The following SPEM3 variants were observed in gnomAD, a reference collection of about 807,000 sequenced individuals.
The protein encoded by SPEM3 is uncharacterized protein SPEM3.
rs556274961 is a variant in SPEM3, at chr17:7,430,162, C to G, written c.991C>G (p.Pro331Ala). Residue 331 changes from proline (P) to alanine (A), a missense_variant, in exon 3 of 3, where the codon CCA (proline) becomes GCA (alanine). Transcript: ENST00000636696. ...CCCTGAACACACCTCAGCCCACTCC[C>G]CAGCCCAGGCTCCTATGCCTGTCCC... The part of the protein sequence containing the change: ...HSPEHTSAHS[P>A]AQAPMPVPAH... 4.8e-6 allele frequency: 2 copies of G among 418,376 alleles called. No individual in the cohort carries two copies. Among genetic ancestry groups the G allele is most frequent in the Non-Finnish European group, 8.4e-6 (2 of 237,892 alleles). The allele number at this position is 418,376 out of a possible 1,614,324, so 25.9% of individuals were successfully genotyped here. A position where few individuals can be genotyped will look rare whatever the true frequency, so the allele number is the denominator to read the frequency against.
In SPEM3 at chr17:7,430,930, G is replaced by C. The variant is rs150260708; in HGVS notation, c.1759G>C (p.Val587Leu). 1 of 398,578 alleles carries C rather than the reference G, an allele frequency of 2.5e-6. No individual in the cohort carries two copies. The highest frequency in any genetic ancestry group is 3.6e-5 in the East Asian group (1 of 28,076). 24.7% of individuals were successfully genotyped at this position (398,578 alleles called of 1,614,324 possible). A position where few individuals can be genotyped will look rare whatever the true frequency, so the allele number is the denominator to read the frequency against. ...FHSATTAQSSVCTLPPPFTLS... is the reference protein window; with the variant it reads ...FHSATTAQSSLCTLPPPFTLS... ...TTCTGCAACCACTGCCCAGAGCTCA[G>C]TGTGCACCCTTCCTCCACCGTTCAC... is the stretch of plus-strand genomic sequence containing the variant. The change falls in exon 3 of 3, where the codon GTG becomes CTG. Residue 587 changes from valine (V) to leucine (L), a missense_variant. Transcript: ENST00000636696.
Position 7,430,092 on chromosome 17 carries a change from C to T in SPEM3, c.921C>T (p.His307=). The change falls in exon 3 of 3, where the codon CAC becomes CAT. Residue 307 remains histidine, a synonymous_variant. Transcript: ENST00000636696. The part of the protein sequence containing the change: ...KAHTSAQAQT[H]SPPHTPEYTH... Reference sequence around the variant, plus strand: ...ATACGTCAGCCCAGGCCCAAACCCACTCTCCGCCCCACACCCCTGAGTATA... The same window carrying T: ...ATACGTCAGCCCAGGCCCAAACCCATTCTCCGCCCCACACCCCTGAGTATA... 1 of 415,518 alleles carries T rather than the reference C, an allele frequency of 2.4e-6. No homozygotes were observed. Among genetic ancestry groups the T allele is most frequent in the Non-Finnish European group, 4.2e-6 (1 of 235,950 alleles). The allele number at this position is 415,518 out of a possible 1,614,324, so 25.7% of individuals were successfully genotyped here.
Position 7,429,839 on chromosome 17 carries a change from C to T in SPEM3, c.668C>T (p.Thr223Ile). 1 of 401,474 alleles carries T rather than the reference C, an allele frequency of 2.5e-6. No homozygotes were observed. The highest frequency in any genetic ancestry group is 4.4e-6 in the Non-Finnish European group (1 of 227,936). The allele number at this position is 401,474 out of a possible 1,614,324, so 24.9% of individuals were successfully genotyped here. Residue 223 changes from threonine to isoleucine, a missense_variant, in exon 3 of 3, where the codon ACC becomes ATC. Thr to Ile is a moderately conservative substitution (Grantham distance 89). Transcript: ENST00000636696. This position sits in a 1 kb window ranked among gnomAD's most constrained non-coding sequence, Gnocchi z 4.9. ...ACCCACACTCCTGTGTGCACCCCAA[C>T]CCACCCCTGGACCCGCTCCACGGAC... ...SPTHTPVCTPTHPWTRSTDHT... is the reference protein window; with the variant it reads ...SPTHTPVCTPIHPWTRSTDHT...
rs182423720 is a variant in SPEM3, at chr17:7,430,708, C to G, written c.1537C>G (p.Leu513Val). 1.7e-4 allele frequency: 66 copies of G among 398,650 alleles called. 2 individuals carry two copies. The highest frequency in any genetic ancestry group is 1.1e-3 in the African/African-American group (56 of 48,722). The allele number at this position is 398,650 out of a possible 1,614,324, so 24.7% of individuals were successfully genotyped here. Residue 513 changes from leucine (L) to valine (V), a missense_variant, in exon 3 of 3, where the codon CTG becomes GTG. Leu to Val is a conservative substitution (Grantham distance 32). Coordinates refer to ENST00000636696, the MANE Select transcript of SPEM3 (RefSeq NM_001364708.1). The part of the protein sequence containing the change: ...DSAKLPAGSI[L>V]GYLELRNMEW... ...TGCCAAGCTTCCTGCAGGATCCATA[C>G]TGGGCTACCTGGAGTTGAGGAATAT... is the stretch of plus-strand genomic sequence containing the variant.
rs1218267263 is a variant in SPEM3, at chr17:7,432,154, C to T, written c.2983C>T (p.Leu995Phe). The part of the protein sequence containing the change: ...KDPALVQDSG[L>F]PKISGLTQES... ...CCCAGCCCTTGTCCAAGACTCTGGC[C>T]TCCCCAAGATTTCAGGCCTTACCCA... Residue 995 changes from leucine (L) to phenylalanine (F), a missense_variant, in exon 3 of 3, where the codon CTC (leucine) becomes TTC (phenylalanine). By Grantham distance (22) the Leu-to-Phe change is conservative (BLOSUM62 0). Transcript: ENST00000636696. This position sits in a 1 kb window ranked among gnomAD's most constrained non-coding sequence, Gnocchi z 4.1. 1 of 398,572 alleles carries T rather than the reference C, an allele frequency of 2.5e-6. No individual in the cohort carries two copies. Among genetic ancestry groups the T allele is most frequent in the East Asian group, 3.6e-5 (1 of 28,100 alleles). 24.7% of individuals were successfully genotyped at this position (398,572 alleles called of 1,614,324 possible).
Position 7,430,322 on chromosome 17 carries a change from C to G in SPEM3, c.1151C>G (p.Pro384Arg), listed in dbSNP as rs1907791533. ...SAPAPPGTLA[P>R]ATTPVLAPTP... Reference sequence around the variant, plus strand: ...CCAGCTCCTCCCGGAACTCTTGCCCCAGCCACTACTCCTGTCCTAGCTCCA... The same window carrying G: ...CCAGCTCCTCCCGGAACTCTTGCCCGAGCCACTACTCCTGTCCTAGCTCCA... The change falls in exon 3 of 3, where the codon CCA becomes CGA. Residue 384 changes from proline to arginine, a missense_variant. Pro to Arg is a moderately radical substitution (Grantham distance 103, BLOSUM62 -2). Coordinates refer to ENST00000636696, the MANE Select transcript of SPEM3 (RefSeq NM_001364708.1). The G allele has an allele frequency of 2.4e-6, 1 of 416,356 alleles. No individual in the cohort carries two copies. The highest frequency in any genetic ancestry group is 2.1e-5 in the African/African-American group (1 of 48,688). 25.8% of individuals were successfully genotyped at this position (416,356 alleles called of 1,614,324 possible).
chr17:7,429,161 G>A lies in SPEM3; in HGVS notation c.139-29G>A, dbSNP rs1432979111. On this transcript the variant is annotated intron_variant, in intron 1 of 2. Coordinates refer to ENST00000636696, the MANE Select transcript of SPEM3 (RefSeq NM_001364708.1). This position sits in a 1 kb window ranked among gnomAD's most constrained non-coding sequence, Gnocchi z 4.9. ...GGACTTAGGGGCTCACCCTGCTTCC[G>A]GACTCACCTGCCCTCCCACTCCCTT... 1.0e-5 allele frequency: 4 copies of A among 398,510 alleles called. No individual in the cohort carries two copies. The highest frequency in any genetic ancestry group is 3.6e-5 in the East Asian group (1 of 28,060). The allele number at this position is 398,510 out of a possible 1,614,324, so 24.7% of individuals were successfully genotyped here.
rs1597735881 is a variant in SPEM3, at chr17:7,431,818, G to A, written c.2647G>A (p.Gly883Arg). The part of the protein sequence containing the change: ...PQDSEVNKSS[G>R]VIQESFLHKS... ...AGACTCTGAAGTCAATAAGAGCTCA[G>A]GAGTTATCCAGGAATCTTTTCTCCA... The change falls in exon 3 of 3, where the codon GGA becomes AGA. Residue 883 changes from glycine to arginine, a missense_variant. Transcript: ENST00000636696. 4 of 398,626 alleles carry A rather than the reference G, an allele frequency of 1.0e-5. No homozygotes were observed. The East Asian group carries it at 1.4e-4, about 14-fold the overall frequency. 24.7% of individuals were successfully genotyped at this position (398,626 alleles called of 1,614,324 possible). A position where few individuals can be genotyped will look rare whatever the true frequency, so the allele number is the denominator to read the frequency against.
In SPEM3 at chr17:7,428,936, T is replaced by C; in HGVS notation, c.34T>C (p.Cys12Arg). The C allele has an allele frequency of 2.5e-6, 1 of 398,746 alleles. No individual in the cohort carries two copies. The highest frequency in any genetic ancestry group is 4.4e-6 in the Non-Finnish European group (1 of 226,096). 24.7% of individuals were successfully genotyped at this position (398,746 alleles called of 1,614,324 possible). The change falls in exon 1 of 3, where the codon TGC becomes CGC. Residue 12 changes from cysteine to arginine, a missense_variant. Coordinates refer to ENST00000636696, the MANE Select transcript of SPEM3 (RefSeq NM_001364708.1). ...GCGAGCCTATCATGGGGCCCAGGTG[T>C]GCTCTGGCACCAACCCCAGGAAGTG... ...GERAYHGAQVCSGTNPRKCQD... is the reference protein window; with the variant it reads ...GERAYHGAQVRSGTNPRKCQD...
chr17:7,429,684 G>C lies in SPEM3; in HGVS notation c.513G>C (p.Glu171Asp). 2.5e-6 allele frequency: 1 copy of C among 399,196 alleles called. No homozygotes were observed. The highest frequency in any genetic ancestry group is 2.1e-5 in the African/African-American group (1 of 48,684). The allele number at this position is 399,196 out of a possible 1,614,324, so 24.7% of individuals were successfully genotyped here. Residue 171 changes from glutamate to aspartate, a missense_variant, in exon 3 of 3, where the codon GAG (glutamate) becomes GAC (aspartate). Physicochemically the swap from Glu to Asp is conservative, Grantham distance 45. Transcript: ENST00000636696. This position sits in a 1 kb window ranked among gnomAD's most constrained non-coding sequence, Gnocchi z 4.9. ...KAQASLLSRP[E>D]TSSQFPKMSK... ...AAGCCTCCTTGCTCTCCAGGCCAGA[G>C]ACATCTTCCCAGTTCCCAAAGATGA...
Position 7,431,890 on chromosome 17 carries a change from G to A in SPEM3, c.2719G>A (p.Gly907Ser), listed in dbSNP as rs1197446853. ...VQTSGLPKCS[G>S]LTQNSGDYKN... ...AACCTCTGGCCTCCCAAAGTGCTCA[G>A]GCCTTACCCAAAACTCAGGAGACTA... The change falls in exon 3 of 3, where the codon GGC becomes AGC. Residue 907 changes from glycine (G) to serine (S), a missense_variant. Coordinates refer to ENST00000636696, the MANE Select transcript of SPEM3 (RefSeq NM_001364708.1). 2.5e-6 allele frequency: 1 copy of A among 398,566 alleles called. No individual in the cohort carries two copies. Among genetic ancestry groups the A allele is most frequent in the Non-Finnish European group, 4.4e-6 (1 of 226,060 alleles). 24.7% of individuals were successfully genotyped at this position (398,566 alleles called of 1,614,324 possible).
At position 7,429,343 on chromosome 17, in the gene SPEM3, G is replaced by A. The variant is rs1907751964; in HGVS notation, c.197-25G>A. 6 of 398,466 alleles carry A rather than the reference G, an allele frequency of 1.5e-5. No homozygotes were observed. The highest frequency in any genetic ancestry group is 4.4e-5 in the Admixed American group (1 of 22,708). The allele number at this position is 398,466 out of a possible 1,614,324, so 24.7% of individuals were successfully genotyped here. ...TTAGTCCCTAGGGAACCCGGGCATT[G>A]TCCCCATCCTACCTCTCCCTGCAGA... On this transcript the variant is annotated intron_variant, in intron 2 of 2. Transcript: ENST00000636696. The surrounding 1 kb of genome is among the most constrained non-coding windows in gnomAD (Gnocchi z 4.9).
chr17:7,429,917 C>A lies in SPEM3; in HGVS notation c.746C>A (p.Thr249Asn). The change falls in exon 3 of 3, where the codon ACC becomes AAC. Residue 249 changes from threonine (T) to asparagine (N), a missense_variant. Thr to Asn is a moderately conservative substitution (Grantham distance 65, BLOSUM62 0). Coordinates refer to ENST00000636696, the MANE Select transcript of SPEM3 (RefSeq NM_001364708.1). The surrounding 1 kb of genome is among the most constrained non-coding windows in gnomAD (Gnocchi z 4.9). ...TCCTGGACCCACTCCAAAGCCCGCA[C>A]CCCTGAGGGCACCCACTCCCAGGCC... is the stretch of plus-strand genomic sequence containing the variant. ...AHSWTHSKARTPEGTHSQAQD... is the reference protein window; with the variant it reads ...AHSWTHSKARNPEGTHSQAQD... The A allele has an allele frequency of 4.8e-6, 2 of 416,460 alleles. No homozygotes were observed. Among genetic ancestry groups the A allele is most frequent in the Non-Finnish European group, 8.4e-6 (2 of 237,296 alleles). 25.8% of individuals were successfully genotyped at this position (416,460 alleles called of 1,614,324 possible).
At position 7,430,057 on chromosome 17, in the gene SPEM3, A is replaced by G. The variant is rs1032616608; in HGVS notation, c.886A>G (p.Thr296Ala). 4.9e-6 allele frequency: 2 copies of G among 410,190 alleles called. No individual in the cohort carries two copies. Among genetic ancestry groups the G allele is most frequent in the Non-Finnish European group, 8.5e-6 (2 of 234,100 alleles). The allele number at this position is 410,190 out of a possible 1,614,324, so 25.4% of individuals were successfully genotyped here. ...APTPAKASAH[T>A]KAHTSAQAQT... ...TACACCGGCCAAGGCCTCAGCTCAC[A>G]CTAAAGCCCATACGTCAGCCCAGGC... is the stretch of plus-strand genomic sequence containing the variant. Residue 296 changes from threonine (T) to alanine (A), a missense_variant, in exon 3 of 3, where the codon ACT becomes GCT. Transcript: ENST00000636696.
rs1907807239 is a variant in SPEM3, at chr17:7,430,776, G to C, written c.1605G>C (p.Gln535His). ...ATGATGCCAAAGATAAGTTCCCCCA[G>C]ACCAAGACTTCCCCTTACTGCAGCT... Reference protein sequence around the residue: ...NSDDAKDKFPQTKTSPYCSFH... With the variant: ...NSDDAKDKFPHTKTSPYCSFH... The change falls in exon 3 of 3, where the codon CAG (glutamine) becomes CAC (histidine). Residue 535 changes from glutamine to histidine, a missense_variant. By Grantham distance (24) the Gln-to-His change is conservative. Transcript: ENST00000636696. 5.0e-6 allele frequency: 2 copies of C among 398,468 alleles called. No individual in the cohort carries two copies. Among genetic ancestry groups the C allele is most frequent in the Non-Finnish European group, 8.8e-6 (2 of 226,108 alleles). The allele number at this position is 398,468 out of a possible 1,614,324, so 24.7% of individuals were successfully genotyped here.
Position 7,431,728 on chromosome 17 carries a change from G to A in SPEM3, c.2557G>A (p.Gly853Arg). Reference protein sequence around the residue: ...HKNTGNVQDPGVCSTAGLTED... With the variant: ...HKNTGNVQDPRVCSTAGLTED... ...GAATACAGGCAATGTCCAAGATCCAGGAGTCTGTAGTACCGCAGGCCTTAC... is the reference window on the plus strand; with the variant it reads ...GAATACAGGCAATGTCCAAGATCCAAGAGTCTGTAGTACCGCAGGCCTTAC... The change falls in exon 3 of 3, where the codon GGA (glycine) becomes AGA (arginine). Residue 853 changes from glycine (G) to arginine (R), a missense_variant. Gly to Arg is a moderately radical substitution (Grantham distance 125). Transcript: ENST00000636696. 2 of 398,634 alleles carry A rather than the reference G, an allele frequency of 5.0e-6. No individual in the cohort carries two copies. Among genetic ancestry groups the A allele is most frequent in the East Asian group, 7.1e-5 (2 of 28,086 alleles). 24.7% of individuals were successfully genotyped at this position (398,634 alleles called of 1,614,324 possible).
Position 7,431,849 on chromosome 17 carries a change from G to T in SPEM3, c.2678G>T (p.Ser893Ile). The T allele has an allele frequency of 2.5e-6, 1 of 398,536 alleles. No individual in the cohort carries two copies. Among genetic ancestry groups the T allele is most frequent in the Non-Finnish European group, 4.4e-6 (1 of 226,070 alleles). 24.7% of individuals were successfully genotyped at this position (398,536 alleles called of 1,614,324 possible). The part of the protein sequence containing the change: ...GVIQESFLHK[S>I]PGLVQTSGLP... Reference sequence around the variant, plus strand: ...ATCCAGGAATCTTTTCTCCACAAGAGCCCAGGCCTTGTCCAAACCTCTGGC... The same window carrying T: ...ATCCAGGAATCTTTTCTCCACAAGATCCCAGGCCTTGTCCAAACCTCTGGC... The change falls in exon 3 of 3, where the codon AGC becomes ATC. Residue 893 changes from serine to isoleucine, a missense_variant. Ser to Ile is a moderately radical substitution (Grantham distance 142). Transcript: ENST00000636696.
At position 7,429,753 on chromosome 17, in the gene SPEM3, G is replaced by A. The variant is rs1333343023; in HGVS notation, c.582G>A (p.Lys194=). The A allele has an allele frequency of 2.5e-6, 1 of 399,514 alleles. No individual in the cohort carries two copies. Among genetic ancestry groups the A allele is most frequent in the Non-Finnish European group, 4.4e-6 (1 of 226,766 alleles). 24.7% of individuals were successfully genotyped at this position (399,514 alleles called of 1,614,324 possible). The change falls in exon 3 of 3, where the codon AAG becomes AAA. Residue 194 remains lysine (K), a synonymous_variant. Coordinates refer to ENST00000636696, the MANE Select transcript of SPEM3 (RefSeq NM_001364708.1). This position sits in a 1 kb window ranked among gnomAD's most constrained non-coding sequence, Gnocchi z 4.9. ...CATGCCACCTGCCCCAAGAGAGCAA[G>A]ACTAAGACCCCAGACTGTGCCCCAG... ...TGPCHLPQES[K]TKTPDCAPAE... is the part of the protein sequence containing the mutation.
rs1907809420 is a variant in SPEM3, at chr17:7,430,866, C to T, written c.1695C>T (p.Ala565=). ...SQAPFYPKFL[A]YSRDTACAKT... ...CTCCATTCTACCCCAAATTCCTTGCCTACTCCCGGGATACTGCATGTGCCA... is the reference window on the plus strand; with the variant it reads ...CTCCATTCTACCCCAAATTCCTTGCTTACTCCCGGGATACTGCATGTGCCA... The change falls in exon 3 of 3, where the codon GCC becomes GCT. Residue 565 remains alanine (A), a synonymous_variant. Coordinates refer to ENST00000636696, the MANE Select transcript of SPEM3 (RefSeq NM_001364708.1). 2.5e-6 allele frequency: 1 copy of T among 398,570 alleles called. No homozygotes were observed. Among genetic ancestry groups the T allele is most frequent in the African/African-American group, 2.1e-5 (1 of 48,604 alleles). 24.7% of individuals were successfully genotyped at this position (398,570 alleles called of 1,614,324 possible).
Sources: gnomAD v4.1 joint callset for allele counts on GRCh38, gnomAD v4.1.1 for gene constraint, Gnocchi (gnomAD v3.1) non-coding constraint, MANE v1.5 for transcripts, NCBI Gene and HGNC (gene_info 2026-07-23, HGNC 2026-07-21) for gene names.